ARHGAP42: variants seen among roughly 807,000 people sequenced by gnomAD.
The protein encoded by ARHGAP42 is rho GTPase-activating protein 42.
A neutral mutation model predicts 125.0 loss-of-function variants in ARHGAP42; 63 were observed. The observed-to-expected ratio is 0.50, with a 90% CI of 0.41 to 0.62. The LOEUF (loss-of-function observed/expected upper bound fraction) is 0.62. ARHGAP42 is among the 20% of genes least tolerant of loss of function. ARHGAP42 has a pLI of 0.00. For missense variants in ARHGAP42, 766 were observed against 1,024.2 expected, an observed-to-expected ratio of 0.75 and a Z score of 3.44; for synonymous variants, 339 against 351.0, an observed-to-expected ratio of 0.97 and a Z score of 0.38.
chr11:100,833,871 G>T (rs2135098528), intron 3 of ARHGAP42, among the ~76,000 whole-genome samples: 1 of 152,232 alleles, frequency 6.6e-6, no homozygotes, highest in Non-Finnish European at 1.5e-5. Context: ...TAATGAGTTT[G>T]CAGACATGTT....
chr11:100,802,773 G>T (rs1232266447), intron 3 of ARHGAP42, among the ~76,000 whole-genome samples: 1 of 152,008 alleles, frequency 6.6e-6, no homozygotes, highest in Admixed American at 6.6e-5. Context: ...CCAGCCCTAT[G>T]GGTTTCTTTC....
chr11:100,817,008 A>G lies in ARHGAP42; in HGVS notation c.312+21842A>G, dbSNP rs7947016. On this transcript the variant is annotated intron_variant, in intron 3 of 23. Transcript: ENST00000298815. Reference sequence around the variant, plus strand: ...GCCACTGGCAGAGTTCCAGACAGCTAAAGTCTCAGGAAGCCTGTCTCACCA... The same window carrying G: ...GCCACTGGCAGAGTTCCAGACAGCTGAAGTCTCAGGAAGCCTGTCTCACCA... Among the ~76,000 whole-genome samples the G allele has an allele frequency of 4.4e-3, 669 of 152,322 alleles. 3 individuals are homozygous for G. The highest frequency in any genetic ancestry group is 0.015 in the African/African-American group (638 of 41,574).
Position 100,767,957 on chromosome 11 carries a change from T to G in ARHGAP42, c.155-2386T>G, listed in dbSNP as rs115897363. On this transcript the variant is annotated intron_variant, in intron 1 of 23. Transcript: ENST00000298815. ...ACAGAATTGTCCTTGGTGAGTGTGTTGGTAGGTCCTTGGCTGACAGTGGTA... is the reference window on the plus strand; with the variant it reads ...ACAGAATTGTCCTTGGTGAGTGTGTGGGTAGGTCCTTGGCTGACAGTGGTA... Among the ~76,000 whole-genome samples, 730 of 152,260 alleles carry G rather than the reference T, an allele frequency of 4.8e-3. 4 individuals are homozygous for G. Among genetic ancestry groups the G allele is most frequent in the African/African-American group, 0.017 (691 of 41,548 alleles).
At chr11:100,711,380 A>G (rs1309136273) in intron 1 of ARHGAP42, among the ~76,000 whole-genome samples, 1 of 151,994 alleles carries the variant, frequency 6.6e-6, no homozygotes, top group Non-Finnish European at 1.5e-5. Flanking sequence ...GTTTTTTGAG[A>G]CAAGGTCTCT....
At chr11:100,711,513 C>T (rs1404985576) in intron 1 of ARHGAP42, among the ~76,000 whole-genome samples, 1 of 152,108 alleles carries the variant, frequency 6.6e-6, no homozygotes, top group Non-Finnish European at 1.5e-5. Context: ...CACTACCATG[C>T]CCAGATAATT....
intron 4 of ARHGAP42, among the ~76,000 whole-genome samples, chr11:100,903,750 A>ATATATG (rs1454651157): frequency 8.7e-6 from 1 of 115,360 alleles, no homozygotes; most frequent in African/African-American, 3.1e-5. Flanking sequence ...ATATATATAT[A>ATATATG]TATATGTATG....
rs144129369 is a variant in ARHGAP42 at position 100,723,071 on chromosome 11, A to G, written c.154+35239A>G. 1.9e-4 allele frequency among the ~76,000 whole-genome samples: 29 copies of G among 152,212 alleles called. No homozygotes were observed. In the East Asian group the frequency reaches 4.4e-3, roughly 23 times the overall value. ...TTTAAAAGACTGTCTTTGCATTATTATATTTTATTTGCTCCTTTGTCGAAG... is the reference window on the plus strand; with the variant it reads ...TTTAAAAGACTGTCTTTGCATTATTGTATTTTATTTGCTCCTTTGTCGAAG... On this transcript the variant is annotated intron_variant, in intron 1 of 23. Coordinates refer to ENST00000298815, the MANE Select transcript of ARHGAP42 (RefSeq NM_152432.4).
chr11:100,723,148 T>C (rs1358961568), intron 1 of ARHGAP42, among the ~76,000 whole-genome samples: 1 of 152,222 alleles, frequency 6.6e-6, no homozygotes, highest in African/African-American at 2.4e-5. Flanking sequence ...TCTATTTTTC[T>C]ATTCTTTTAC....
At chr11:100,916,800 A>G (rs1016628825) in intron 5 of ARHGAP42, among the ~76,000 whole-genome samples, 5 of 152,224 alleles carry the variant, frequency 3.3e-5, no homozygotes, top group Non-Finnish European at 5.9e-5. Context: ...TCCAAGATTC[A>G]TAAGTGCAGA....
chr11:100,736,645 A>G (rs971043513), intron 1 of ARHGAP42, among the ~76,000 whole-genome samples: 1 of 152,358 alleles, frequency 6.6e-6, no homozygotes, highest in African/African-American at 2.4e-5. Context: ...TTTGTGCTAC[A>G]GGCATCTGCC....
chr11:100,731,916 C>T (rs1861965225), intron 1 of ARHGAP42, among the ~76,000 whole-genome samples: 1 of 151,912 alleles, frequency 6.6e-6, no homozygotes, highest in Non-Finnish European at 1.5e-5. Flanking sequence ...TAGCACTTAT[C>T]ACTCTCTAAC....
intron 3 of ARHGAP42, among the ~76,000 whole-genome samples, chr11:100,838,632 A>G (rs888744796): frequency 2.0e-5 from 3 of 152,086 alleles, no homozygotes; most frequent in Admixed American, 1.3e-4. Flanking sequence ...GGTCAAGGTT[A>G]CAGTGAGCCA....
At chr11:100,856,846 T>A (rs1282370563) in intron 3 of ARHGAP42, among the ~76,000 whole-genome samples, 2 of 152,110 alleles carry the variant, frequency 1.3e-5, no homozygotes, top group Non-Finnish European at 2.9e-5. Context: ...TCTATGCTAG[T>A]GATTTTTTTC....
intron 4 of ARHGAP42, among the ~76,000 whole-genome samples, chr11:100,862,260 A>G (rs1335772052): frequency 2.0e-5 from 3 of 152,150 alleles, no homozygotes; most frequent in African/African-American, 7.2e-5. Context: ...CCCCAGATGA[A>G]GCCATTTTAT....
intron 4 of ARHGAP42, among the ~76,000 whole-genome samples, chr11:100,863,017 A>T (rs557097344): frequency 7.2e-6 from 1 of 139,158 alleles, no homozygotes; most frequent in South Asian, 2.5e-4. Flanking sequence ...AGCCTGGGTA[A>T]CAAGAGCGAA....
At chr11:100,715,704 G>A (rs984166669) in intron 1 of ARHGAP42, among the ~76,000 whole-genome samples, 1 of 152,262 alleles carries the variant, frequency 6.6e-6, no homozygotes, top group Non-Finnish European at 1.5e-5. Context: ...GCATAGTATT[G>A]GCGAGGTATT....
chr11:100,836,392 T>C (rs1864786327), intron 3 of ARHGAP42, among the ~76,000 whole-genome samples: 1 of 152,080 alleles, frequency 6.6e-6, no homozygotes, highest in Admixed American at 6.6e-5. Context: ...TTTTCCATCA[T>C]GAACAATCAG....
chr11:100,699,478 ATG>A (rs1257125766), intron 1 of ARHGAP42, among the ~76,000 whole-genome samples: 46 of 64,664 alleles, frequency 7.1e-4, no homozygotes, highest in African/African-American at 2.5e-3. Context: ...AAATTTATTC[ATG>A]TATATATATA....
At chr11:100,732,757 G>A (rs956948909) in intron 1 of ARHGAP42, among the ~76,000 whole-genome samples, 2 of 152,136 alleles carry the variant, frequency 1.3e-5, no homozygotes, top group African/African-American at 2.4e-5. Context: ...ATTCATTTAA[G>A]GGCTAGTAGC....
Sources: gnomAD v4.1 joint callset for allele counts (sites outside exome capture counted in the v4.1 genomes callset) on GRCh38, gnomAD v4.1.1 for gene constraint, MANE v1.5 for transcripts, NCBI Gene and HGNC (gene_info 2026-07-23, HGNC 2026-07-21) for gene names.